Variants in FLNB observed in about 807,000 individuals in gnomAD.
FLNB encodes filamin-B.
A neutral mutation model predicts 250.6 loss-of-function variants in FLNB; 111 were observed. That is an observed-to-expected ratio of 0.44 (90% CI 0.38 to 0.52). The LOEUF is 0.52. FLNB is among the 20% of genes least tolerant of loss of function. The pLI is 0.00. For missense variants in FLNB, 2,869 were observed against 3,447.8 expected (o/e 0.83, Z 4.20); for synonymous variants, 1,302 against 1,372.1 (o/e 0.95, Z 1.13).
chr3:58,149,783 T>C lies in FLNB; in HGVS notation c.6092-67T>C, dbSNP rs2097341782. The C allele has an allele frequency of 2.5e-6, 4 of 1,595,202 alleles. No homozygotes were observed. In the Admixed American group the frequency reaches 5.0e-5, roughly 20 times the overall value. On this transcript the variant is annotated intron_variant, in intron 36 of 45. Transcript: ENST00000295956. ...AGGCGTAAGGGTCGGATGTCCTTTC[T>C]CCATTCATCAGGCTCCCTCTTCCTG...
At chr3:58,058,300 T>A (rs1199286626) in intron 1 of FLNB, among the ~76,000 whole-genome samples, 1 of 152,178 alleles carries the variant, frequency 6.6e-6, no homozygotes, top group East Asian at 1.9e-4. Flanking sequence ...TTCTGAAGGT[T>A]TCCCCCTTTC....
intron 3 of FLNB, among the ~76,000 whole-genome samples, chr3:58,079,751 T>C (rs2097206607): frequency 6.6e-6 from 1 of 152,194 alleles, no homozygotes; most frequent in South Asian, 2.1e-4. Context: ...ACCAGTGTTT[T>C]CTTTCCAGAA....
intron 4 of FLNB, among the ~76,000 whole-genome samples, chr3:58,084,179 G>A (rs1024066195): frequency 2.7e-5 from 4 of 147,272 alleles, no homozygotes; most frequent in African/African-American, 7.6e-5. Flanking sequence ...GTGACAGAAC[G>A]AGACTCTGTC....
rs146881059 is a variant in FLNB, at chr3:58,037,370, C to T, written c.292+28514C>T. On this transcript the variant is annotated intron_variant, in intron 1 of 45. Coordinates refer to ENST00000295956, the MANE Select transcript of FLNB (RefSeq NM_001457.4). ...GTAAGCCACCACGCCTGGCCGACAT[C>T]AGAGTCATTTTAGCCTGCAATGCAA... 5.5e-3 allele frequency among the ~76,000 whole-genome samples: 833 copies of T among 152,314 alleles called. 8 individuals carry two copies. The highest frequency in any genetic ancestry group is 0.018 in the African/African-American group (756 of 41,576).
intron 36 of FLNB, chr3:58,149,620 A>C: frequency 1.7e-6 from 1 of 594,168 alleles, no homozygotes; most frequent in Non-Finnish European, 3.0e-6. Context: ...TCCTTAAGGA[A>C]AGGCTTCTGT....
intron 4 of FLNB, among the ~76,000 whole-genome samples, chr3:58,092,637 C>T (rs2097230012): frequency 6.6e-6 from 1 of 152,132 alleles, no homozygotes; most frequent in South Asian, 2.1e-4. Context: ...CAGAGTGAGA[C>T]TTGGTCTCAA....
At position 58,097,958 on chromosome 3, in the gene FLNB, C is replaced by T. The variant is rs1267220739; in HGVS notation, c.1128C>T (p.Tyr376=). The change falls in exon 7 of 46, where the codon TAC becomes TAT. Residue 376 remains tyrosine, a synonymous_variant. Transcript: ENST00000295956. ...GGAACATCGCCAATAAGCCCACCTA[C>T]TTTGACATCTATACGGCAGGTAACG... The part of the protein sequence containing the change: ...AVGNIANKPT[Y]FDIYTAGAGV... The T allele has an allele frequency of 2.5e-6, 4 of 1,614,068 alleles. No homozygotes were observed. The South Asian group carries it at 3.3e-5, about 13-fold the overall frequency.
At chr3:58,082,432 A>G (rs1291868902) in intron 4 of FLNB, among the ~76,000 whole-genome samples, 1 of 151,880 alleles carries the variant, frequency 6.6e-6, no homozygotes, top group Non-Finnish European at 1.5e-5. Context: ...TGCCTTTTCT[A>G]TGGGGGAGGG....
chr3:58,066,375 A>T (rs933541868), intron 1 of FLNB, among the ~76,000 whole-genome samples: 1 of 151,808 alleles, frequency 6.6e-6, no homozygotes, highest in Non-Finnish European at 1.5e-5. Flanking sequence ...GCCCGCCACC[A>T]TGCCTGACCA....
chr3:58,044,441 A>C (rs2097150571), intron 1 of FLNB, among the ~76,000 whole-genome samples: 1 of 151,558 alleles, frequency 6.6e-6, no homozygotes, highest in African/African-American at 2.4e-5. Flanking sequence ...TACAAAAAAC[A>C]AACAAACAAA....
At chr3:58,013,338 G>A (rs751688579) in intron 1 of FLNB, among the ~76,000 whole-genome samples, 6 of 152,214 alleles carry the variant, frequency 3.9e-5, no homozygotes, top group Admixed American at 2.6e-4. Context: ...GGCAGGGTGC[G>A]TGTTCCCAAG....
chr3:58,089,273 A>T (rs576640583), intron 4 of FLNB, among the ~76,000 whole-genome samples: 8 of 152,274 alleles, frequency 5.3e-5, no homozygotes, highest in African/African-American at 1.2e-4. Flanking sequence ...GTGGTGGCTC[A>T]CTTTGGGAGG....
At chr3:58,075,480 G>C (rs1204786668) in intron 1 of FLNB, among the ~76,000 whole-genome samples, 1 of 152,168 alleles carries the variant, frequency 6.6e-6, no homozygotes, top group Non-Finnish European at 1.5e-5. Context: ...AGGAGTCTTT[G>C]AGCCTGCAGT....
intron 33 of FLNB, 165 bp from the exon 34 acceptor site, chr3:58,146,655 G>T: frequency 1.4e-6 from 1 of 704,052 alleles, no homozygotes. Flanking sequence ...TTTACTGCGT[G>T]GACTGCTTCA....
chr3:58,045,129 T>C (rs925612118), intron 1 of FLNB, among the ~76,000 whole-genome samples: 1 of 152,204 alleles, frequency 6.6e-6, no homozygotes, highest in African/African-American at 2.4e-5. Context: ...AAGACCCTGA[T>C]TGCCAAATTC....
At chr3:58,040,818 TCC>T (rs2097145091) in intron 1 of FLNB, among the ~76,000 whole-genome samples, 1 of 152,212 alleles carries the variant, frequency 6.6e-6, no homozygotes, top group Non-Finnish European at 1.5e-5. Flanking sequence ...TAAAATATAC[TCC>T]CCGCTCCATC....
At chr3:58,078,004 T>C (rs897896024) in intron 2 of FLNB, among the ~76,000 whole-genome samples, 5 of 152,204 alleles carry the variant, frequency 3.3e-5, no homozygotes, top group Admixed American at 3.3e-4. Context: ...TTCCATTTAC[T>C]GTGTATTCTG....
chr3:58,104,950 G>C (rs2097257281), intron 10 of FLNB, 130 bp from the exon 11 acceptor site: 1 of 1,163,182 alleles, frequency 8.6e-7, no homozygotes, highest in Admixed American at 1.7e-5. Context: ...GAAGGGCTTG[G>C]CTGCAGTTTG....
rs369464027 is a variant in FLNB, at chr3:58,170,592, A to T, written c.7639A>T (p.Ile2547Phe). ...CCTCCTAGGCTCCAACATGCTGCTG[A>T]TCGGGGTCCATGGGCCCACCACCCC... ...CSKAGSNMLL[I>F]GVHGPTTPCE... is the part of the protein sequence containing the mutation. Residue 2547 changes from isoleucine (I) to phenylalanine (F), a missense_variant, in exon 46 of 46, where the codon ATC (isoleucine) becomes TTC (phenylalanine). Ile to Phe is a conservative substitution (Grantham distance 21). Transcript: ENST00000295956. The T allele has an allele frequency of 1.2e-6, 2 of 1,613,942 alleles. No homozygotes were observed. Among genetic ancestry groups the T allele is most frequent in the African/African-American group, 2.7e-5 (2 of 74,852 alleles).
Sources: gnomAD v4.1 joint callset for allele counts (sites outside exome capture counted in the v4.1 genomes callset) on GRCh38, gnomAD v4.1.1 for gene constraint, MANE v1.5 for transcripts, NCBI Gene and HGNC (gene_info 2026-07-23, HGNC 2026-07-21) for gene names.